The following CNTN6 variants were observed in gnomAD, a reference collection of about 807,000 sequenced individuals.
The protein encoded by CNTN6 is contactin 6, also known as contactin-6.
A neutral mutation model predicts 122.8 loss-of-function variants in CNTN6; 137 were observed. The observed-to-expected ratio is 1.12, with a 90% CI of 0.97 to 1.29. The LOEUF (loss-of-function observed/expected upper bound fraction) is 1.29. Among genes scored for constraint, CNTN6 ranks in the 50% most tolerant of loss-of-function variants. The probability of loss-of-function intolerance (pLI) is 0.00; values close to 1 mark genes in which losing one functional copy is unlikely to be tolerated. For synonymous variants in CNTN6, 570 were observed against 426.0 expected (o/e 1.34, Z -4.16); for missense variants, 1,634 against 1,223.4 (o/e 1.34, Z -5.01).
intron 1 of CNTN6, among the ~76,000 whole-genome samples, chr3:1,110,298 T>C (rs891292218): frequency 2.0e-5 from 3 of 152,166 alleles, no homozygotes; most frequent in African/African-American, 7.2e-5. Flanking sequence ...TGCTAAACAA[T>C]GGAAGAATCT....
chr3:1,394,163 C>A, intron 20 of CNTN6: 1 of 195,742 alleles, frequency 5.1e-6, no homozygotes, highest in Non-Finnish European at 1.1e-5. Flanking sequence ...CATAGGAGAA[C>A]TGCTCCTTGC....
intron 1 of CNTN6, among the ~76,000 whole-genome samples, chr3:1,135,954 T>G (rs1173443354): frequency 1.3e-5 from 2 of 152,162 alleles, no homozygotes; most frequent in Non-Finnish European, 2.9e-5. Flanking sequence ...ATTGCGCCAC[T>G]GCACTCCAGC....
chr3:1,372,985 A>G lies in CNTN6; in HGVS notation c.1786+30A>G, dbSNP rs368571460. ...GCATAAATGGTGAAAAAGTGATCAC[A>G]TTGTTTCTTCACAGTTACAGTGTTC... is the stretch of plus-strand genomic sequence containing the variant. On this transcript the variant is annotated intron_variant, in intron 14 of 22. Coordinates refer to ENST00000446702, the MANE Select transcript of CNTN6 (RefSeq NM_001289080.2). 22 of 1,273,420 alleles carry G rather than the reference A, an allele frequency of 1.7e-5. No individual in the cohort carries two copies. The Middle Eastern group carries it at 1.5e-3, about 87-fold the overall frequency. The allele number at this position is 1,273,420 out of a possible 1,614,324, so 78.9% of individuals were successfully genotyped here.
In CNTN6 at chr3:1,314,794, A is replaced by G. The variant is rs182629377; in HGVS notation, c.762-6856A>G. Among the ~76,000 whole-genome samples the G allele has an allele frequency of 3.1e-4, 47 of 152,216 alleles. No individual in the cohort carries two copies. In the East Asian group the frequency reaches 6.8e-3, roughly 22 times the overall value. On this transcript the variant is annotated intron_variant, in intron 7 of 22. Coordinates refer to ENST00000446702, the MANE Select transcript of CNTN6 (RefSeq NM_001289080.2). ...AAGAAAAAAGAAAAACTTTGCTTTTATCATCTAGTAGTATTTCACAATTGT... is the reference window on the plus strand; with the variant it reads ...AAGAAAAAAGAAAAACTTTGCTTTTGTCATCTAGTAGTATTTCACAATTGT...
At chr3:1,332,495 AAAGGAAGG>A (rs71056331) in intron 11 of CNTN6, among the ~76,000 whole-genome samples, 27 of 118,630 alleles carry the variant, frequency 2.3e-4, no homozygotes, top group South Asian at 1.8e-3. Flanking sequence ...AGGAAGGAAA[AAAGGAAGG>A]AAGGAAGGAA....
At chr3:1,230,471 A>G (rs925768843) in intron 4 of CNTN6, among the ~76,000 whole-genome samples, 17 of 152,176 alleles carry the variant, frequency 1.1e-4, no homozygotes, top group African/African-American at 3.6e-4. Context: ...AGACATCTAT[A>G]TATTTCAAAC....
At chr3:1,393,639 G>GAAAC (rs1159897417) in intron 20 of CNTN6, among the ~76,000 whole-genome samples, 9 of 144,182 alleles carry the variant, frequency 6.2e-5, no homozygotes, top group Admixed American at 2.8e-4. Flanking sequence ...AAATGTGTAA[G>GAAAC]AAACAAACAT....
At chr3:1,227,057 T>C (rs1326417157) in intron 3 of CNTN6, among the ~76,000 whole-genome samples, 1 of 152,176 alleles carries the variant, frequency 6.6e-6, no homozygotes, top group Non-Finnish European at 1.5e-5. Flanking sequence ...TATTCATTTG[T>C]CTTAAAAATG....
At chr3:1,325,761 A>C in intron 8 of CNTN6, 54 bp from the exon 9 acceptor site, 1 of 1,583,148 alleles carries the variant, frequency 6.3e-7, no homozygotes, top group Non-Finnish European at 8.6e-7. Context: ...ATGTAGCATA[A>C]TGTCTTGGAT....
chr3:1,265,044 C>CTTTTTTTTTTTTTTTTTT (rs201949693), intron 4 of CNTN6, among the ~76,000 whole-genome samples: 1 of 100,776 alleles, frequency 9.9e-6, no homozygotes, highest in African/African-American at 3.8e-5. Context: ...ACCGAATTTC[C>CTTTTTTTTTTTTTTTTTT]TTTTTTTTTT....
At chr3:1,174,251 C>T (rs58895485) in intron 2 of CNTN6, among the ~76,000 whole-genome samples, 4 of 152,222 alleles carry the variant, frequency 2.6e-5, no homozygotes, top group Non-Finnish European at 5.9e-5. Context: ...CATTTAGCTA[C>T]AGCCAGAGGT....
At chr3:1,104,550 T>A (rs941047007) in intron 1 of CNTN6, among the ~76,000 whole-genome samples, 6 of 152,240 alleles carry the variant, frequency 3.9e-5, no homozygotes, top group African/African-American at 1.2e-4. Context: ...ACTAAATTAT[T>A]GAATAACCTT....
chr3:1,269,995 C>T (rs1414420348), intron 4 of CNTN6, among the ~76,000 whole-genome samples: 1 of 152,192 alleles, frequency 6.6e-6, no homozygotes, highest in African/African-American at 2.4e-5. Flanking sequence ...TGGATATTAG[C>T]ATTCCAAATG....
intron 1 of CNTN6, among the ~76,000 whole-genome samples, chr3:1,093,427 G>A (rs536603956): frequency 6.6e-6 from 1 of 152,262 alleles, no homozygotes; most frequent in South Asian, 2.1e-4. Flanking sequence ...AAAACTAATG[G>A]GCAAGACGGG....
intron 4 of CNTN6, among the ~76,000 whole-genome samples, chr3:1,249,392 A>G (rs987168197): frequency 2.0e-5 from 3 of 152,228 alleles, no homozygotes; most frequent in Admixed American, 6.5e-5. Flanking sequence ...CTGCCAAAGT[A>G]TAAATGCAGA....
intron 11 of CNTN6, among the ~76,000 whole-genome samples, chr3:1,351,170 C>T (rs149190758): frequency 1.1e-3 from 164 of 151,974 alleles, no homozygotes; most frequent in African/African-American, 3.8e-3. Flanking sequence ...AAGCTGGCTT[C>T]CTGCAAATTG....
At chr3:1,293,954 C>G (rs1406876372) in intron 5 of CNTN6, among the ~76,000 whole-genome samples, 1 of 152,180 alleles carries the variant, frequency 6.6e-6, no homozygotes, top group African/African-American at 2.4e-5. Flanking sequence ...AAGAAATTGA[C>G]AGCACATGAT....
At chr3:1,258,664 T>G (rs2094797567) in intron 4 of CNTN6, among the ~76,000 whole-genome samples, 1 of 152,096 alleles carries the variant, frequency 6.6e-6, no homozygotes, top group African/African-American at 2.4e-5. Context: ...CTTTTTCAAC[T>G]TTTTCTCCTC....
chr3:1,147,882 C>A (rs543302990), intron 1 of CNTN6, 45 bp from the exon 2 acceptor site: 1 of 602,870 alleles, frequency 1.7e-6, no homozygotes, highest in Non-Finnish European at 3.1e-6. Flanking sequence ...TTAAAATATT[C>A]GTGTTTGTAC....
Sources: gnomAD v4.1 joint callset for allele counts (sites outside exome capture counted in the v4.1 genomes callset) on GRCh38, gnomAD v4.1.1 for gene constraint, MANE v1.5 for transcripts, NCBI Gene and HGNC (gene_info 2026-07-23, HGNC 2026-07-21) for gene names.